ALDH2: variants seen among roughly 807,000 people sequenced by gnomAD.
ALDH2 encodes the protein aldehyde dehydrogenase 2 family member.
Under a neutral mutation model 59.6 loss-of-function variants are expected in ALDH2, and 44 were observed. The ratio of observed to expected loss-of-function variants is 0.74; its 90% CI spans 0.58 to 0.95. The LOEUF (loss-of-function observed/expected upper bound fraction) is 0.95. Ranked by LOEUF, ALDH2 falls within the 40% of genes least tolerant of loss-of-function variation. The probability of loss-of-function intolerance (pLI) is 0.00; values close to 1 mark genes in which losing one functional copy is unlikely to be tolerated. For missense variants in ALDH2, 570 were observed against 696.3 expected, an observed-to-expected ratio of 0.82 and a Z score of 2.04; for synonymous variants, 291 against 284.0, an observed-to-expected ratio of 1.02 and a Z score of -0.25.
At chr12:111,792,922 T>G in intron 9 of ALDH2, 140 bp downstream of exon 9, 2 of 945,482 alleles carry the variant, frequency 2.1e-6, no homozygotes, top group Non-Finnish European at 3.1e-6. Flanking sequence ...GGAAGCTATG[T>G]TCCCTCCCTC....
intron 1 of ALDH2, among the ~76,000 whole-genome samples, chr12:111,775,257 G>A (rs1007170859): frequency 1.3e-5 from 2 of 152,042 alleles, no homozygotes; most frequent in Non-Finnish European, 2.9e-5. Flanking sequence ...AGGTAGAATC[G>A]CGAGCCCCCC....
Position 111,814,188 on chromosome 12 carries a change from A to G in ALDH2, c.*4613A>G, listed in dbSNP as rs1256264896. ...CGGTGAAACCCCGTCTCTACTAAAA[A>G]TACAAAAAATTAGCCAGGCGTGGTG... On this transcript the variant is annotated 3_prime_UTR_variant, in exon 13 of 13. Transcript: ENST00000261733. 2 of 152,150 alleles carry G rather than the reference A, an allele frequency of 1.3e-5. No individual in the cohort carries two copies. Among genetic ancestry groups the G allele is most frequent in the Non-Finnish European group, 2.9e-5 (2 of 68,106 alleles). 9.4% of individuals were successfully genotyped at this position (152,150 alleles called of 1,614,324 possible).
chr12:111,807,208 A>G (rs898212089), intron 12 of ALDH2, among the ~76,000 whole-genome samples: 9 of 152,034 alleles, frequency 5.9e-5, no homozygotes, highest in Admixed American at 3.9e-4. Context: ...GCTTGCAGTG[A>G]GCCGAGATGG....
chr12:111,803,441 TA>T (rs2068469839), intron 11 of ALDH2, among the ~76,000 whole-genome samples: 1 of 149,098 alleles, frequency 6.7e-6, no homozygotes, highest in South Asian at 2.1e-4. Flanking sequence ...CTACAAAAAA[TA>T]AAAGATAAAA....
chr12:111,790,246 T>C (rs1017239590), intron 5 of ALDH2, among the ~76,000 whole-genome samples, 188 bp from the exon 6 acceptor site: 3 of 152,114 alleles, frequency 2.0e-5, no homozygotes, highest in Non-Finnish European at 4.4e-5. Context: ...TAAATGTGAG[T>C]CTGTCATCGT....
chr12:111,793,742 C>T lies in ALDH2; in HGVS notation c.1083+960C>T, dbSNP rs1468867044. Reference sequence around the variant, plus strand: ...CTGGGACTACAGGTGCGCACCACCACGCCTGGCTAATTTTTTGTGTTTTAG... The same window carrying T: ...CTGGGACTACAGGTGCGCACCACCATGCCTGGCTAATTTTTTGTGTTTTAG... On this transcript the variant is annotated intron_variant, in intron 9 of 12. Transcript: ENST00000261733. Among the ~76,000 whole-genome samples the T allele has an allele frequency of 5.3e-5, 8 of 150,902 alleles. No homozygotes were observed. The South Asian group carries it at 6.3e-4, about 12-fold the overall frequency.
rs555936151 is a variant in ALDH2, at chr12:111,768,025, C to T, written c.114+929C>T. 2.6e-5 allele frequency among the ~76,000 whole-genome samples: 4 copies of T among 152,320 alleles called. No homozygotes were observed. The South Asian group carries it at 6.2e-4, about 24-fold the overall frequency. ...AGCCTTTGTGCAGCACTGTTCTAAG[C>T]GTCTACCTGTTTTGCAATTTAAGGT... is the stretch of plus-strand genomic sequence containing the variant. On this transcript the variant is annotated intron_variant, in intron 1 of 12. Transcript: ENST00000261733.
At chr12:111,788,219 GA>G (rs905553265) in intron 4 of ALDH2, among the ~76,000 whole-genome samples, 58 of 142,560 alleles carry the variant, frequency 4.1e-4, no homozygotes, top group South Asian at 4.4e-4. Context: ...TCAAAAAAAA[GA>G]AAAAAAAAAA....
chr12:111,782,959 G>A (rs2136013619), intron 2 of ALDH2, among the ~76,000 whole-genome samples, 199 bp from the exon 3 acceptor site: 1 of 152,282 alleles, frequency 6.6e-6, no homozygotes, highest in East Asian at 1.9e-4. Context: ...TGAAAGGAGG[G>A]GAAGGTCATG....
intron 1 of ALDH2, chr12:111,775,685 C>A (rs1369724465): frequency 4.4e-6 from 2 of 455,896 alleles, no homozygotes; most frequent in South Asian, 3.1e-5. Context: ...GACATCCCCC[C>A]ACCACGCCCC....
chr12:111,769,955 C>A (rs1299504431), intron 1 of ALDH2, among the ~76,000 whole-genome samples: 2 of 151,980 alleles, frequency 1.3e-5, no homozygotes, highest in Non-Finnish European at 2.9e-5. Flanking sequence ...ACTAGCCTGG[C>A]CAACATAGTG....
chr12:111,789,396 G>A (rs930543498), intron 4 of ALDH2, among the ~76,000 whole-genome samples: 1 of 151,396 alleles, frequency 6.6e-6, no homozygotes, highest in Non-Finnish European at 1.5e-5. Flanking sequence ...GGGAGGCTGA[G>A]GTAGAGAATC....
intron 1 of ALDH2, among the ~76,000 whole-genome samples, chr12:111,774,946 C>G (rs966298735): frequency 3.3e-5 from 5 of 152,306 alleles, no homozygotes; most frequent in Non-Finnish European, 4.4e-5. Flanking sequence ...GTAATCTGCC[C>G]CATGTTTGGA....
At chr12:111,802,322 G>C (rs1365300821) in intron 11 of ALDH2, among the ~76,000 whole-genome samples, 4 of 151,134 alleles carry the variant, frequency 2.6e-5, no homozygotes, top group Admixed American at 6.6e-5. Flanking sequence ...TGAGGCAGGA[G>C]AATCGCTTGA....
rs571373082 is a variant in ALDH2, at chr12:111,814,239, C to G, written c.*4664C>G. 6.6e-6 allele frequency: 1 copy of G among 152,066 alleles called. No homozygotes were observed. The highest frequency in any genetic ancestry group is 2.4e-5 in the African/African-American group (1 of 41,258). 9.4% of individuals were successfully genotyped at this position (152,066 alleles called of 1,614,324 possible). A position where few individuals can be genotyped will look rare whatever the true frequency, so the allele number is the denominator to read the frequency against. ...GTGGGCGCCTGTAGTCCCAGCTGAT[C>G]GGGAGGCTAAGGCAGGAGAATGGTG... On this transcript the variant is annotated 3_prime_UTR_variant, in exon 13 of 13. Transcript: ENST00000261733.
intron 12 of ALDH2, among the ~76,000 whole-genome samples, chr12:111,804,266 A>C (rs1428305579): frequency 6.6e-6 from 1 of 152,190 alleles, no homozygotes; most frequent in East Asian, 1.9e-4. Flanking sequence ...AAGAGAGGGT[A>C]AAGACCCAGC....
At chr12:111,796,917 C>T (rs1460100952) in intron 9 of ALDH2, among the ~76,000 whole-genome samples, 2 of 55,544 alleles carry the variant, frequency 3.6e-5, no homozygotes, top group Non-Finnish European at 7.0e-5. Flanking sequence ...TTCTCCCCTA[C>T]CCTATAAAGG....
At chr12:111,808,774 A>G (rs2068515686) in intron 12 of ALDH2, among the ~76,000 whole-genome samples, 1 of 151,978 alleles carries the variant, frequency 6.6e-6, no homozygotes, top group African/African-American at 2.4e-5. Flanking sequence ...ATGAGGAGGG[A>G]TGAGGGAGCT....
intron 2 of ALDH2, among the ~76,000 whole-genome samples, chr12:111,782,585 TA>T (rs2068279888): frequency 6.7e-6 from 1 of 149,792 alleles, no homozygotes; most frequent in African/African-American, 2.5e-5. Flanking sequence ...ATAAGTAATT[TA>T]AAACTAAGAA....
Sources: gnomAD v4.1 joint callset for allele counts (sites outside exome capture counted in the v4.1 genomes callset) on GRCh38, gnomAD v4.1.1 for gene constraint, MANE v1.5 for transcripts, NCBI Gene and HGNC (gene_info 2026-07-23, HGNC 2026-07-21) for gene names.